KCNH7: variants seen among roughly 807,000 people sequenced by gnomAD.
KCNH7 encodes voltage-gated inwardly rectifying potassium channel KCNH7.
KCNH7 carries 49 observed loss-of-function variants against 120.8 expected under a neutral mutation model. The ratio of observed to expected loss-of-function variants is 0.41; its 90% confidence interval spans 0.32 to 0.51. The LOEUF is 0.51. KCNH7 is among the 20% of genes least tolerant of loss of function. The probability of loss-of-function intolerance (pLI) is 0.38; values close to 1 mark genes in which losing one functional copy is unlikely to be tolerated. For synonymous variants in KCNH7, 547 were observed against 516.1 expected (o/e 1.06, Z -0.81); for missense variants, 1,097 against 1,446.6 (o/e 0.76, Z 3.92).
chr2:162,804,058 T>C (rs1684444163), intron 2 of KCNH7, among the ~76,000 whole-genome samples: 2 of 151,874 alleles, frequency 1.3e-5, no homozygotes, highest in Admixed American at 1.3e-4. Context: ...GAATAGGTAG[T>C]TGATGAGCAA....
At chr2:162,802,121 G>A (rs1684372369) in intron 2 of KCNH7, among the ~76,000 whole-genome samples, 1 of 151,762 alleles carries the variant, frequency 6.6e-6, no homozygotes, top group South Asian at 2.1e-4. Flanking sequence ...ATTTGCATTT[G>A]TAGTAAGTTT....
At chr2:162,400,536 G>T in intron 9 of KCNH7, 95 bp from the exon 10 acceptor site, 2 of 1,258,778 alleles carry the variant, frequency 1.6e-6, no homozygotes, top group Non-Finnish European at 2.3e-6. Context: ...TGCAGGTGTA[G>T]TCATTGCCAC....
intron 2 of KCNH7, among the ~76,000 whole-genome samples, chr2:162,684,152 A>C (rs912354537): frequency 3.3e-5 from 5 of 152,324 alleles, no homozygotes; most frequent in African/African-American, 9.6e-5. Flanking sequence ...CCATATGCAG[A>C]AAACTGTAAC....
chr2:162,775,133 A>G (rs1683187089), intron 2 of KCNH7, among the ~76,000 whole-genome samples: 1 of 151,894 alleles, frequency 6.6e-6, no homozygotes, highest in Non-Finnish European at 1.5e-5. Context: ...GAAATACACT[A>G]CTCTCCTACT....
chr2:162,713,955 G>C (rs1687017359), intron 2 of KCNH7, among the ~76,000 whole-genome samples: 1 of 152,024 alleles, frequency 6.6e-6, no homozygotes, highest in Non-Finnish European at 1.5e-5. Context: ...TACCATGTTG[G>C]CCAGGCTGGT....
intron 2 of KCNH7, among the ~76,000 whole-genome samples, chr2:162,820,459 G>A (rs2105591060): frequency 6.6e-6 from 1 of 152,092 alleles, no homozygotes; most frequent in South Asian, 2.1e-4. Context: ...GGTGTGAAAG[G>A]TATAATTCCT....
At chr2:162,746,014 A>G (rs1439468271) in intron 2 of KCNH7, among the ~76,000 whole-genome samples, 1 of 152,054 alleles carries the variant, frequency 6.6e-6, no homozygotes. Flanking sequence ...CATATGAAGA[A>G]TTTGCAAAAT....
At chr2:162,410,486 G>T (rs552795007) in intron 9 of KCNH7, among the ~76,000 whole-genome samples, 1 of 151,766 alleles carries the variant, frequency 6.6e-6, no homozygotes, top group African/African-American at 2.4e-5. Flanking sequence ...CTAGAAGAAA[G>T]CCTATGAAAT....
intron 2 of KCNH7, among the ~76,000 whole-genome samples, chr2:162,580,665 T>C (rs1482674274): frequency 6.6e-6 from 1 of 152,020 alleles, no homozygotes; most frequent in Non-Finnish European, 1.5e-5. Context: ...AGCAATTAAT[T>C]ATTTGGGTTA....
At chr2:162,630,457 AAAAC>A (rs1683725531) in intron 2 of KCNH7, among the ~76,000 whole-genome samples, 1 of 152,096 alleles carries the variant, frequency 6.6e-6, no homozygotes, top group African/African-American at 2.4e-5. Context: ...AAGAGGAATA[AAAAC>A]TAACATTAAA....
At chr2:162,774,600 G>A (rs1286382862) in intron 2 of KCNH7, among the ~76,000 whole-genome samples, 1 of 152,162 alleles carries the variant, frequency 6.6e-6, no homozygotes, top group East Asian at 1.9e-4. Flanking sequence ...GCATGTGGAT[G>A]CTCTGGGCTT....
intron 8 of KCNH7, among the ~76,000 whole-genome samples, chr2:162,430,643 A>G (rs1046798950): frequency 6.6e-6 from 1 of 151,998 alleles, no homozygotes; most frequent in African/African-American, 2.4e-5. Context: ...CAGTGCCTGA[A>G]AACAATTGCC....
At chr2:162,815,571 G>T (rs1684888018) in intron 2 of KCNH7, among the ~76,000 whole-genome samples, 1 of 152,222 alleles carries the variant, frequency 6.6e-6, no homozygotes, top group South Asian at 2.1e-4. Flanking sequence ...CCTGGGTCAG[G>T]AAGCCCTGAT....
chr2:162,769,838 AAC>A (rs1176667538), intron 2 of KCNH7, among the ~76,000 whole-genome samples: 5 of 152,080 alleles, frequency 3.3e-5, no homozygotes, highest in Non-Finnish European at 7.4e-5. Flanking sequence ...AAATTTTGTA[AAC>A]ACACAAACTT....
intron 2 of KCNH7, among the ~76,000 whole-genome samples, chr2:162,631,723 T>A (rs1335325421): frequency 6.6e-6 from 1 of 152,068 alleles, no homozygotes; most frequent in Non-Finnish European, 1.5e-5. Flanking sequence ...CACCAGATGA[T>A]AATGAATCAC....
intron 3 of KCNH7, among the ~76,000 whole-genome samples, chr2:162,531,267 A>G (rs1691915721): frequency 6.6e-6 from 1 of 151,954 alleles, no homozygotes. Flanking sequence ...TCCATTTAGG[A>G]AACCAAGGTT....
rs1034893321 is a variant in KCNH7 at position 162,488,164 on chromosome 2, A to T, written c.1128+16279T>A. Reference sequence around the variant, plus strand: ...AGCCATCTTGACAACAGATATCAACAATCTTTCCAAGGTCTTAGTTGCCAA... The same window carrying T: ...AGCCATCTTGACAACAGATATCAACTATCTTTCCAAGGTCTTAGTTGCCAA... On this transcript the variant is annotated intron_variant, in intron 6 of 15. Transcript: ENST00000332142. Among the ~76,000 whole-genome samples, 4 of 152,172 alleles carry T rather than the reference A, an allele frequency of 2.6e-5. No individual in the cohort carries two copies. In the East Asian group the frequency reaches 7.7e-4, roughly 29 times the overall value.
chr2:162,514,052 T>C (rs979172445), intron 4 of KCNH7, among the ~76,000 whole-genome samples: 2 of 151,782 alleles, frequency 1.3e-5, no homozygotes, highest in African/African-American at 4.8e-5. Context: ...TTCAAATATA[T>C]CCAAGATTTG....
intron 2 of KCNH7, among the ~76,000 whole-genome samples, chr2:162,676,514 G>A (rs1685534532): frequency 6.6e-6 from 1 of 151,388 alleles, no homozygotes; most frequent in African/African-American, 2.4e-5. Flanking sequence ...CATTGACACA[G>A]TTGCATTAAA....
Sources: gnomAD v4.1 joint callset for allele counts (sites outside exome capture counted in the v4.1 genomes callset) on GRCh38, gnomAD v4.1.1 for gene constraint, MANE v1.5 for transcripts, NCBI Gene and HGNC (gene_info 2026-07-23, HGNC 2026-07-21) for gene names.